The following RALGPS1 variants were observed in gnomAD, a reference collection of about 807,000 sequenced individuals.
RALGPS1 encodes Ral GEF with PH domain and SH3 binding motif 1.
A neutral mutation model predicts 78.8 loss-of-function variants in RALGPS1; 19 were observed. That is an observed-to-expected ratio of 0.24 (90% CI 0.17 to 0.35). The LOEUF (loss-of-function observed/expected upper bound fraction) is 0.35, where lower values mean the gene tolerates loss of function less well. Ranked by LOEUF, RALGPS1 falls within the 10% of genes least tolerant of loss-of-function variation. The pLI, the probability that RALGPS1 is intolerant of heterozygous loss-of-function variation, is 1.00. For missense variants in RALGPS1, 454 were observed against 688.3 expected (o/e 0.66, Z 3.81); for synonymous variants, 228 against 256.3 (o/e 0.89, Z 1.06).
chr9:127,194,764 TTAGATAAGTCA>T (rs2140516559), intron 11 of RALGPS1, among the ~76,000 whole-genome samples: 1 of 152,312 alleles, frequency 6.6e-6, no homozygotes. Flanking sequence ...CTGGATGTCC[TTAGATAAGTCA>T]TGCCATGGTG....
intron 7 of RALGPS1, among the ~76,000 whole-genome samples, chr9:127,060,549 T>C (rs1036609808): frequency 2.6e-5 from 4 of 152,188 alleles, no homozygotes; most frequent in African/African-American, 9.7e-5. Context: ...TTGTTATTAA[T>C]ATTTTCAACT....
At chr9:127,153,712 C>T (rs2058558227) in intron 8 of RALGPS1, among the ~76,000 whole-genome samples, 1 of 152,234 alleles carries the variant, frequency 6.6e-6, no homozygotes, top group African/African-American at 2.4e-5. Flanking sequence ...ACATGCTTTC[C>T]TGCCACTTCG....
At chr9:127,210,846 C>A in intron 14 of RALGPS1, 1 of 1,359,188 alleles carries the variant, frequency 7.4e-7, no homozygotes, top group Non-Finnish European at 1.0e-6. Flanking sequence ...GGATGCCAAG[C>A]ACTGTGCTAG....
At chr9:126,922,669 C>T (rs1418821515) in intron 1 of RALGPS1, among the ~76,000 whole-genome samples, 2 of 152,178 alleles carry the variant, frequency 1.3e-5, no homozygotes, top group Non-Finnish European at 2.9e-5. Context: ...TACTGGGCTC[C>T]CACAACTCTC....
At chr9:127,190,551 T>G (rs1282538080) in intron 11 of RALGPS1, among the ~76,000 whole-genome samples, 1 of 152,184 alleles carries the variant, frequency 6.6e-6, no homozygotes, top group Non-Finnish European at 1.5e-5. Context: ...AACATAAGTT[T>G]TTACGATTTA....
At chr9:126,974,793 T>C (rs939581280) in intron 3 of RALGPS1, among the ~76,000 whole-genome samples, 4 of 152,118 alleles carry the variant, frequency 2.6e-5, no homozygotes, top group African/African-American at 9.7e-5. Context: ...AGGCTCCTTG[T>C]CTCATGTTTC....
At chr9:126,974,822 C>A (rs1406458096) in intron 3 of RALGPS1, among the ~76,000 whole-genome samples, 1 of 152,090 alleles carries the variant, frequency 6.6e-6, no homozygotes, top group African/African-American at 2.4e-5. Flanking sequence ...CTGTAACATA[C>A]CCCTAGAAAA....
At chr9:127,100,461 G>A (rs1327336123) in intron 8 of RALGPS1, among the ~76,000 whole-genome samples, 2 of 152,226 alleles carry the variant, frequency 1.3e-5, no homozygotes, top group African/African-American at 2.4e-5. Context: ...CACCAGCGCT[G>A]TTGGGCAGGA....
chr9:127,049,519 G>A (rs901031344), intron 5 of RALGPS1, among the ~76,000 whole-genome samples: 4 of 152,160 alleles, frequency 2.6e-5, no homozygotes, highest in Admixed American at 2.0e-4. Flanking sequence ...TATGGGATGG[G>A]CCTCTCCCAA....
intron 1 of RALGPS1, among the ~76,000 whole-genome samples, chr9:126,933,651 C>G (rs1378148029): frequency 6.6e-6 from 1 of 152,138 alleles, no homozygotes; most frequent in African/African-American, 2.4e-5. Flanking sequence ...CACCTTCTCT[C>G]AGTGAAGGAG....
At chr9:126,959,355 C>T (rs991895933) in intron 1 of RALGPS1, among the ~76,000 whole-genome samples, 1 of 152,160 alleles carries the variant, frequency 6.6e-6, no homozygotes, top group Non-Finnish European at 1.5e-5. Context: ...AGCCACTGTG[C>T]CTGGCCCATA....
chr9:127,027,144 C>T (rs1002814859), intron 4 of RALGPS1, among the ~76,000 whole-genome samples: 14 of 152,248 alleles, frequency 9.2e-5, no homozygotes, highest in Admixed American at 2.6e-4. Flanking sequence ...AATCAAAATC[C>T]GTGCTGATCT....
intron 8 of RALGPS1, among the ~76,000 whole-genome samples, chr9:127,149,359 G>A (rs1195984803): frequency 1.3e-5 from 2 of 152,240 alleles, no homozygotes; most frequent in African/African-American, 4.8e-5. Flanking sequence ...TAGGGGTGGT[G>A]CTGACACCAG....
intron 1 of RALGPS1, among the ~76,000 whole-genome samples, chr9:126,943,626 G>A (rs1458716929): frequency 6.6e-6 from 1 of 152,138 alleles, no homozygotes; most frequent in Non-Finnish European, 1.5e-5. Context: ...TGGAATGTGG[G>A]CTGACCCTGA....
intron 11 of RALGPS1, among the ~76,000 whole-genome samples, chr9:127,194,643 C>G (rs1320149568): frequency 6.6e-6 from 1 of 152,178 alleles, no homozygotes. Context: ...GAACACCTGA[C>G]CTCAGGTGAT....
At chr9:126,921,549 C>T (rs2034756273) in intron 1 of RALGPS1, among the ~76,000 whole-genome samples, 1 of 152,214 alleles carries the variant, frequency 6.6e-6, no homozygotes, top group Non-Finnish European at 1.5e-5. Context: ...TTCTGTAGAG[C>T]TTTCAAGTCT....
chr9:127,217,086 A>G, intron 18 of RALGPS1: 1 of 1,387,716 alleles, frequency 7.2e-7, no homozygotes, highest in Non-Finnish European at 9.4e-7. Flanking sequence ...AGGAGCGGCC[A>G]GAGGATGACA....
intron 1 of RALGPS1, among the ~76,000 whole-genome samples, chr9:126,933,149 A>G (rs2035952092): frequency 1.3e-5 from 2 of 152,162 alleles, no homozygotes; most frequent in Non-Finnish European, 2.9e-5. Context: ...TCCAAACAGA[A>G]GAAAGGAGCC....
chr9:127,200,946 T>G (rs2061599602), intron 14 of RALGPS1, among the ~76,000 whole-genome samples: 1 of 152,226 alleles, frequency 6.6e-6, no homozygotes, highest in Non-Finnish European at 1.5e-5. Context: ...TATTCCTTCA[T>G]TCACTCACTT....
Sources: allele counts gnomAD v4.1 joint callset (sites outside exome capture counted in the v4.1 genomes callset), GRCh38; gene constraint gnomAD v4.1.1; transcripts MANE v1.5; gene names NCBI Gene and HGNC (gene_info 2026-07-23, HGNC 2026-07-21).